The following KIFC3 variants were observed in gnomAD, a reference collection of about 807,000 sequenced individuals.
The protein encoded by KIFC3 is kinesin-like protein KIFC3.
In KIFC3, 60 loss-of-function variants were observed where a neutral mutation model predicts 101.8. That is an observed-to-expected ratio of 0.59 (90% CI 0.48 to 0.73). The LOEUF (loss-of-function observed/expected upper bound fraction) is 0.73, where lower values mean the gene tolerates loss of function less well. Ranked by LOEUF, KIFC3 falls within the 30% of genes least tolerant of loss-of-function variation. KIFC3 has a pLI of 0.00. For missense variants in KIFC3, 966 were observed against 1,137.1 expected, an observed-to-expected ratio of 0.85 and a Z score of 2.16; for synonymous variants, 476 against 482.7, an observed-to-expected ratio of 0.99 and a Z score of 0.18.
chr16:57,841,719 C>A (rs761471143), intron 1 of KIFC3, among the ~76,000 whole-genome samples: 6 of 152,042 alleles, frequency 3.9e-5, no homozygotes, highest in African/African-American at 1.2e-4. Flanking sequence ...TCTTTCCCAT[C>A]GCCCATGAGA....
At chr16:57,844,355 G>A (rs539172266) in intron 1 of KIFC3, among the ~76,000 whole-genome samples, 14 of 151,588 alleles carry the variant, frequency 9.2e-5, no homozygotes, top group East Asian at 3.9e-4. Context: ...GCTTGAACCC[G>A]GGAGGCGGAG....
At position 57,798,272 on chromosome 16, in the gene KIFC3, C is replaced by T; in HGVS notation, c.-29G>A. 1 of 1,549,952 alleles carries T rather than the reference C, an allele frequency of 6.5e-7. No individual in the cohort carries two copies. Among genetic ancestry groups the T allele is most frequent in the Non-Finnish European group, 8.7e-7 (1 of 1,147,898 alleles). Reference sequence around the variant, plus strand: ...CTGGGGCTCAGCAGCCTCCTCGGGGCACCAGGCAGCCTGCGGAGAGAACAA... The same window carrying T: ...CTGGGGCTCAGCAGCCTCCTCGGGGTACCAGGCAGCCTGCGGAGAGAACAA... On this transcript the variant is annotated 5_prime_UTR_variant, in exon 2 of 20. Coordinates refer to ENST00000445690, the MANE Select transcript of KIFC3 (RefSeq NM_001130100.2).
At chr16:57,770,237 T>C (rs920510411) in intron 7 of KIFC3, among the ~76,000 whole-genome samples, 3 of 152,224 alleles carry the variant, frequency 2.0e-5, no homozygotes, top group Admixed American at 6.5e-5. Context: ...CAGTGACAAG[T>C]GCCATGTAGA....
rs1555608140 is a variant in KIFC3, at chr16:57,771,389, C to T, written c.574G>A (p.Ala192Thr). The T allele has an allele frequency of 8.7e-6, 14 of 1,613,664 alleles. No individual in the cohort carries two copies. The highest frequency in any genetic ancestry group is 1.2e-5 in the Non-Finnish European group (14 of 1,180,054). The change falls in exon 6 of 20, where the codon GCG (alanine) becomes ACG (threonine). Residue 192 changes from alanine (A) to threonine (T), a missense_variant. By Grantham distance (58) the Ala-to-Thr change is moderately conservative. Around this residue, in one of 2 missense-constraint regions of KIFC3, gnomAD observed 689 missense variants for 884.6 expected, o/e 0.78. Transcript: ENST00000445690. ...DKLSQLQLEM[A>T]ESKGMLSELN... ...TCTGACAGCATGCCTTTGCTTTCCG[C>T]CATCTCCAGCTGCAGCTGGGACAGC... is the stretch of plus-strand genomic sequence containing the variant.
At chr16:57,809,367 C>A (rs1371832347) in intron 1 of KIFC3, among the ~76,000 whole-genome samples, 1 of 152,200 alleles carries the variant, frequency 6.6e-6, no homozygotes, top group Non-Finnish European at 1.5e-5. Context: ...ATGATCAGAG[C>A]TCACTGCAGC....
Position 57,771,251 on chromosome 16 carries a change from G to A in KIFC3, c.712C>T (p.Arg238Cys), listed in dbSNP as rs369079340. The A allele has an allele frequency of 5.6e-6, 9 of 1,613,078 alleles. No individual in the cohort carries two copies. Among genetic ancestry groups the A allele is most frequent in the African/African-American group, 1.3e-5 (1 of 74,952 alleles). ...QEEERLSRRL[R>C]DSHETIASLR... ...CTGGCAATGGTCTCGTGGCTGTCACGCAGGCGCCGACTAAGCCGCTCCTCC... is the reference window on the plus strand; with the variant it reads ...CTGGCAATGGTCTCGTGGCTGTCACACAGGCGCCGACTAAGCCGCTCCTCC... Residue 238 changes from arginine to cysteine, a missense_variant, in exon 6 of 20, where the codon CGT becomes TGT. Arg to Cys is a radical substitution (Grantham distance 180). Transcript: ENST00000445690.
chr16:57,798,336 C>G (rs1443383923), intron 1 of KIFC3, 54 bp from the exon 2 acceptor site: 12 of 1,476,662 alleles, frequency 8.1e-6, no homozygotes, highest in Non-Finnish European at 1.1e-5. Context: ...AGCACAACTG[C>G]ACCTCGGGCA....
Position 57,759,828 on chromosome 16 carries a change from C to T in KIFC3, c.2376G>A (p.Pro792=), listed in dbSNP as rs117882328. 5.2e-4 allele frequency: 840 copies of T among 1,608,418 alleles called. No individual in the cohort carries two copies. Among genetic ancestry groups the T allele is most frequent in the Non-Finnish European group, 6.4e-4 (748 of 1,177,902 alleles). The part of the protein sequence containing the change: ...WSSQEHLEWE[P]ACQTPQPSAR... ...CCGAGGGCTGTGGCGTCTGACAAGC[C>T]GGCTCCCACTGTGAGCAGGGAAGGG... Residue 792 remains proline, a synonymous_variant, in exon 18 of 20, where the codon CCG becomes CCA. Transcript: ENST00000445690.
At chr16:57,772,698 A>G (rs2051421602) in intron 3 of KIFC3, among the ~76,000 whole-genome samples, 1 of 152,040 alleles carries the variant, frequency 6.6e-6, no homozygotes, top group Non-Finnish European at 1.5e-5. Context: ...GGGCCCCCAG[A>G]TGGTACATAC....
upstream of KIFC3, among the ~76,000 whole-genome samples, chr16:57,807,443 G>C (rs1198585570): frequency 1.3e-5 from 2 of 152,098 alleles, no homozygotes; most frequent in Non-Finnish European, 1.5e-5. Context: ...TGGTGGTCTT[G>C]GATGTCCCTT....
intron 1 of KIFC3, chr16:57,816,617 T>A: frequency 6.6e-6 from 3 of 456,752 alleles, no homozygotes; most frequent in Non-Finnish European, 1.3e-5. Flanking sequence ...TCTGCTGAGC[T>A]GTGCTCCAGA....
Position 57,775,773 on chromosome 16 carries a change from A to C in KIFC3, c.316-3485T>G, listed in dbSNP as rs987432037. 3 of 985,466 alleles carry C rather than the reference A, an allele frequency of 3.0e-6. No homozygotes were observed. In the African/African-American group the frequency reaches 5.2e-5, roughly 17 times the overall value. The allele number at this position is 985,466 out of a possible 1,614,324, so 61.0% of individuals were successfully genotyped here. A position where few individuals can be genotyped will look rare whatever the true frequency, so the allele number is the denominator to read the frequency against. ...GAGCCCAAGACACAGGACGGAGGAG[A>C]AAGCAGACTCCCCACTAGGCGGCTG... On this transcript the variant is annotated intron_variant, in intron 3 of 19. Coordinates refer to ENST00000445690, the MANE Select transcript of KIFC3 (RefSeq NM_001130100.2).
chr16:57,803,104 C>T, upstream of KIFC3: 2 of 1,390,972 alleles, frequency 1.4e-6, no homozygotes, highest in Non-Finnish European at 2.0e-6. Flanking sequence ...CTTCCTACCT[C>T]TGCACCCCCA....
intron 1 of KIFC3, among the ~76,000 whole-genome samples, chr16:57,853,020 T>G (rs2056089547): frequency 6.6e-6 from 1 of 152,142 alleles, no homozygotes; most frequent in Admixed American, 6.6e-5. Context: ...GAAAGAAATA[T>G]ATACCTAGAA....
rs781991955 is a variant in KIFC3 at position 57,772,257 on chromosome 16, T to C, written c.347A>G (p.Gln116Arg). 6 of 1,613,704 alleles carry C rather than the reference T, an allele frequency of 3.7e-6. No individual in the cohort carries two copies. Among genetic ancestry groups the C allele is most frequent in the Non-Finnish European group, 5.1e-6 (6 of 1,179,858 alleles). Residue 116 changes from glutamine to arginine, a missense_variant, in exon 4 of 20, where the codon CAG becomes CGG. By Grantham distance (43) the Gln-to-Arg change is conservative. Around this residue, in one of 2 missense-constraint regions of KIFC3, gnomAD observed 277 missense variants for 252.5 expected, o/e 1.10. Transcript: ENST00000445690. ...TCGCAGTCGGCTCACTTCCTGGGCC[T>C]GGCTAATGAGCTTCTCCTTCAGGTG... ...VEHLKEKLIS[Q>R]AQEVSRLRSE...
chr16:57,809,692 AT>A lies in KIFC3; in HGVS notation c.109-11411del, dbSNP rs560381024. The stretch of plus-strand genomic sequence containing the variant: ...ATCTTTCTGAATAAAGAGTCTGAGC[AT>A]TTTTTTTTCACTTTCTAAACATGTT... On this transcript the variant is annotated intron_variant, in intron 1 of 2. Transcript: ENST00000563028. Among the ~76,000 whole-genome samples the A allele has an allele frequency of 2.0e-3, 300 of 150,948 alleles. 4 individuals carry two copies. The highest frequency in any genetic ancestry group is 0.016 in the Admixed American group (248 of 15,162).
chr16:57,815,768 T>G (rs1598197714), intron 1 of KIFC3: 1 of 728,714 alleles, frequency 1.4e-6, no homozygotes, highest in Non-Finnish European at 2.0e-6. Flanking sequence ...GTTGCCTGGG[T>G]CCTTGGGATC....
chr16:57,797,586 A>G (rs1027125234), intron 2 of KIFC3: 2 of 595,346 alleles, frequency 3.4e-6, no homozygotes, highest in Non-Finnish European at 4.4e-6. Context: ...CATGGACCCC[A>G]AGCCCCGCCA....
At chr16:57,780,519 A>AT (rs2052588180) in intron 3 of KIFC3, among the ~76,000 whole-genome samples, 1 of 151,386 alleles carries the variant, frequency 6.6e-6, no homozygotes, top group Admixed American at 6.6e-5. Flanking sequence ...TCAAGAAAAA[A>AT]AATATATATA....
Sources: allele counts gnomAD v4.1 joint callset (sites outside exome capture counted in the v4.1 genomes callset), GRCh38; gene constraint gnomAD v4.1.1; regional missense constraint gnomAD v4.1.1; transcripts MANE v1.5; gene names NCBI Gene and HGNC (gene_info 2026-07-23, HGNC 2026-07-21).